The following MBOAT2 variants were observed in gnomAD, a reference collection of about 807,000 sequenced individuals.
The protein encoded by MBOAT2 is membrane bound glycerophospholipid O-acyltransferase 2.
A neutral mutation model predicts 63.4 loss-of-function variants in MBOAT2; 28 were observed. The observed-to-expected ratio is 0.44, with a 90% CI of 0.33 to 0.61. MBOAT2 has a LOEUF of 0.61. Ranked by LOEUF, MBOAT2 falls within the 20% of genes least tolerant of loss-of-function variation. The pLI is 0.03. For synonymous variants in MBOAT2, 211 were observed against 215.6 expected (o/e 0.98, Z 0.19); for missense variants, 470 against 605.8 (o/e 0.78, Z 2.35).
chr2:8,996,752 C>T (rs1205683533), intron 1 of MBOAT2, among the ~76,000 whole-genome samples: 1 of 152,230 alleles, frequency 6.6e-6, no homozygotes, highest in Non-Finnish European at 1.5e-5. Flanking sequence ...TTTCCCAAGA[C>T]CTGCCCACAT....
At chr2:8,909,311 T>C (rs1665542428) in intron 3 of MBOAT2, among the ~76,000 whole-genome samples, 1 of 152,168 alleles carries the variant, frequency 6.6e-6, no homozygotes, top group South Asian at 2.1e-4. Flanking sequence ...CTCCAGAATA[T>C]TTAACATTGA....
Position 9,003,303 on chromosome 2 carries a change from G to A in MBOAT2, c.75+237C>T, listed in dbSNP as rs1198797605. ...CCCGGGGGCTGTCGCCGGCAACAAC[G>A]CCCGGCCCACCTCCCGCTCGGCCCG... On this transcript the variant is annotated intron_variant, in intron 1 of 12. Transcript: ENST00000305997. The surrounding 1 kb of genome is among the most constrained non-coding windows in gnomAD (Gnocchi z 5.4). Among the ~76,000 whole-genome samples, 2 of 152,094 alleles carry A rather than the reference G, an allele frequency of 1.3e-5. No individual in the cohort carries two copies. Among genetic ancestry groups the A allele is most frequent in the African/African-American group, 4.8e-5 (2 of 41,440 alleles).
chr2:8,906,810 T>C (rs928485341), intron 4 of MBOAT2, among the ~76,000 whole-genome samples: 7 of 152,248 alleles, frequency 4.6e-5, no homozygotes, highest in African/African-American at 1.7e-4. Context: ...TAAATTCAAT[T>C]TGCCTATGTA....
intron 12 of MBOAT2, 84 bp downstream of exon 12, chr2:8,860,528 GT>G (rs1270292371): frequency 1.0e-5 from 14 of 1,376,744 alleles, no homozygotes; most frequent in Non-Finnish European, 1.4e-5. Context: ...CTATGGTACT[GT>G]TTTTCTATTC....
chr2:8,911,014 T>C (rs1665674619), intron 3 of MBOAT2, among the ~76,000 whole-genome samples: 1 of 152,198 alleles, frequency 6.6e-6, no homozygotes, highest in African/African-American at 2.4e-5. Flanking sequence ...GTCTGGGCCC[T>C]AAATCAAGGA....
intron 1 of MBOAT2, among the ~76,000 whole-genome samples, chr2:8,987,537 C>T (rs1193109144): frequency 6.6e-6 from 1 of 152,220 alleles, no homozygotes; most frequent in Admixed American, 6.5e-5. Flanking sequence ...CAGCTGAAAA[C>T]ACTCACATTT....
intron 3 of MBOAT2, among the ~76,000 whole-genome samples, chr2:8,919,822 C>T (rs1230306171): frequency 3.3e-5 from 5 of 152,048 alleles, no homozygotes. Flanking sequence ...GTGGTACAAT[C>T]ATAACTCAAT....
At chr2:8,895,260 G>C (rs1163507327) in intron 4 of MBOAT2, among the ~76,000 whole-genome samples, 1 of 152,206 alleles carries the variant, frequency 6.6e-6, no homozygotes, top group Non-Finnish European at 1.5e-5. Flanking sequence ...ATTCTACAGA[G>C]TGCTGATTGG....
intron 4 of MBOAT2, among the ~76,000 whole-genome samples, chr2:8,898,065 T>C (rs937398122): frequency 6.6e-6 from 1 of 152,218 alleles, no homozygotes; most frequent in Non-Finnish European, 1.5e-5. Context: ...TGCTACTACA[T>C]CAATTTCCTT....
In MBOAT2 at chr2:8,950,487, G is replaced by A. The variant is rs1326254712; in HGVS notation, c.222-7223C>T. Among the ~76,000 whole-genome samples the A allele has an allele frequency of 1.1e-4, 16 of 152,148 alleles. 1 individual carries two copies. Among genetic ancestry groups the A allele is most frequent in the Admixed American group, 6.5e-5 (1 of 15,270 alleles). ...CTGTCACTCAGGCTGGAGTGCAGTG[G>A]CGCGATCTCAGCTCACTGCAAGCTC... On this transcript the variant is annotated intron_variant, in intron 2 of 12. Transcript: ENST00000305997.
At chr2:8,859,955 C>T (rs982691307) in intron 12 of MBOAT2, among the ~76,000 whole-genome samples, 4 of 151,908 alleles carry the variant, frequency 2.6e-5, no homozygotes, top group Non-Finnish European at 2.9e-5. Context: ...GAGGCCAAGG[C>T]GGGTGGATCA....
intron 1 of MBOAT2, among the ~76,000 whole-genome samples, chr2:8,959,327 G>A (rs962205959): frequency 1.3e-5 from 2 of 152,088 alleles, no homozygotes; most frequent in African/African-American, 4.8e-5. Flanking sequence ...GAACTAAACT[G>A]TTCTTGACTT....
At chr2:8,998,196 A>G (rs1181232861) in intron 1 of MBOAT2, among the ~76,000 whole-genome samples, 2 of 152,202 alleles carry the variant, frequency 1.3e-5, no homozygotes, top group African/African-American at 4.8e-5. Flanking sequence ...GAGCTAAAAC[A>G]CAGATTCAAG....
At chr2:8,900,735 G>A (rs1353512544) in intron 4 of MBOAT2, among the ~76,000 whole-genome samples, 3 of 152,192 alleles carry the variant, frequency 2.0e-5, no homozygotes, top group Admixed American at 1.3e-4. Context: ...TTGCATACTT[G>A]TGTATTCTCC....
chr2:8,882,250 T>G (rs1352397082), intron 6 of MBOAT2, among the ~76,000 whole-genome samples: 1 of 152,162 alleles, frequency 6.6e-6, no homozygotes, highest in African/African-American at 2.4e-5. Context: ...CTCATAGGGA[T>G]GAAAACTTTA....
intron 3 of MBOAT2, among the ~76,000 whole-genome samples, chr2:8,927,313 T>C (rs938401607): frequency 6.6e-6 from 1 of 152,212 alleles, no homozygotes; most frequent in African/African-American, 2.4e-5. Flanking sequence ...CCAAGAATTA[T>C]CTTCATTTTA....
chr2:8,900,940 G>T (rs1664874967), intron 4 of MBOAT2, among the ~76,000 whole-genome samples: 1 of 152,132 alleles, frequency 6.6e-6, no homozygotes, highest in Non-Finnish European at 1.5e-5. Context: ...GGGTTTGTGG[G>T]TCAAATTGGT....
chr2:8,933,784 A>AT (rs1667482706), intron 3 of MBOAT2, among the ~76,000 whole-genome samples: 1 of 152,206 alleles, frequency 6.6e-6, no homozygotes, highest in African/African-American at 2.4e-5. Flanking sequence ...TGTCCAAAGT[A>AT]ATGCCTTTAT....
At chr2:8,932,348 ATATT>A (rs1436770236) in intron 3 of MBOAT2, among the ~76,000 whole-genome samples, 19 of 152,214 alleles carry the variant, frequency 1.2e-4, no homozygotes, top group African/African-American at 4.8e-5. Context: ...TTATACTCAG[ATATT>A]TATTTAAGGG....
Sources: allele counts gnomAD v4.1 joint callset (sites outside exome capture counted in the v4.1 genomes callset), GRCh38; gene constraint gnomAD v4.1.1; non-coding constraint Gnocchi (gnomAD v3.1); transcripts MANE v1.5; gene names NCBI Gene and HGNC (gene_info 2026-07-23, HGNC 2026-07-21).